Variants in NEK4 observed in about 807,000 individuals in gnomAD.
NEK4 encodes serine/threonine-protein kinase Nek4.
Under a neutral mutation model 98.4 loss-of-function variants are expected in NEK4, and 86 were observed. That is an observed-to-expected ratio of 0.87 (90% confidence interval 0.73 to 1.05). The LOEUF (loss-of-function observed/expected upper bound fraction) is 1.05. NEK4 is among the 50% of genes least tolerant of loss of function. The pLI is 0.00. For missense variants in NEK4, 898 were observed against 950.3 expected (o/e 0.94, Z 0.72); for synonymous variants, 328 against 342.2 (o/e 0.96, Z 0.46).
chr3:52,712,321 G>T (rs1473292539), intron 15 of NEK4, among the ~76,000 whole-genome samples: 2 of 152,228 alleles, frequency 1.3e-5, no homozygotes, highest in East Asian at 3.8e-4. Flanking sequence ...TGCAATGGGG[G>T]TGTGGCTCGC....
chr3:52,746,748 T>G lies in NEK4; in HGVS notation c.1663A>C (p.Arg555=). The G allele has an allele frequency of 1.9e-6, 3 of 1,613,558 alleles. No homozygotes were observed. Among genetic ancestry groups the G allele is most frequent in the Non-Finnish European group, 2.5e-6 (3 of 1,179,770 alleles). The change falls in exon 9 of 16, where the codon AGA becomes CGA. Residue 555 remains arginine, a synonymous_variant. Coordinates refer to ENST00000233027, the MANE Select transcript of NEK4 (RefSeq NM_003157.6). ...EHRGEKRQVR[R]DLFAFQESPP... is the part of the protein sequence containing the mutation. ...AAATGACTTACAGCAAAGAGATCTC[T>G]GCGGACCTGTCTCTTTTCCCCTCTG...
chr3:52,737,561 T>C lies in NEK4; in HGVS notation c.2433+25A>G, dbSNP rs72960250. 4,543 of 1,612,362 alleles carry C rather than the reference T, an allele frequency of 2.8e-3. 91 individuals carry two copies. The African/African-American group carries it at 0.041, about 15-fold the overall frequency. On this transcript the variant is annotated intron_variant, in intron 15 of 15. Coordinates refer to ENST00000233027, the MANE Select transcript of NEK4 (RefSeq NM_003157.6). ...TAAAAAATTCTATAACATAAGCATC[T>C]TGATACAGTTAATGAGACACTCACC...
At chr3:52,739,337 T>A in intron 14 of NEK4, 92 bp downstream of exon 14, 2 of 1,037,928 alleles carry the variant, frequency 1.9e-6, no homozygotes, top group Non-Finnish European at 2.9e-6. Flanking sequence ...AGGCAAAGGT[T>A]GCAGTGAGCC....
intron 6 of NEK4, among the ~76,000 whole-genome samples, chr3:52,752,955 A>ACACACAC (rs1559441493): frequency 7.9e-6 from 1 of 125,992 alleles, no homozygotes; most frequent in African/African-American, 3.4e-5. Flanking sequence ...CACACACACA[A>ACACACAC]TGGAATATTT....
intron 14 of NEK4, among the ~76,000 whole-genome samples, 169 bp downstream of exon 14, chr3:52,739,260 A>G (rs930542408): frequency 6.6e-6 from 1 of 152,258 alleles, no homozygotes; most frequent in South Asian, 2.1e-4. Flanking sequence ...TTACCCGGGC[A>G]TGGTGGTGCA....
Position 52,746,181 on chromosome 3 carries a change from A to T in NEK4, c.1707T>A (p.Pro569=), listed in dbSNP as rs6803865. ...CCACTTTCCCAACAATGGGATGAGA[A>T]GGCAAAAATCGAGGAGGCGACTCTT... ...AFQESPPRFL[P]SHPIVGKVDV... Residue 569 remains proline (P), a synonymous_variant, in exon 10 of 16, where the codon CCT becomes CCA. Coordinates refer to ENST00000233027, the MANE Select transcript of NEK4 (RefSeq NM_003157.6). The T allele has an allele frequency of 7.7e-3, 12,421 of 1,614,078 alleles. 760 individuals are homozygous for T. The African/African-American group carries it at 0.14, about 18-fold the overall frequency.
intron 15 of NEK4, among the ~76,000 whole-genome samples, chr3:52,727,159 A>C (rs939944677): frequency 2.0e-5 from 3 of 152,010 alleles, no homozygotes; most frequent in Non-Finnish European, 2.9e-5. Context: ...TTTTTAGTAG[A>C]GACAGAGTTT....
intron 15 of NEK4, chr3:52,732,828 G>C: frequency 4.2e-6 from 1 of 236,162 alleles, no homozygotes; most frequent in East Asian, 1.1e-4. Flanking sequence ...TGCATCAAAG[G>C]TGTGAACACA....
At chr3:52,716,755 T>C (rs944377491) in intron 15 of NEK4, among the ~76,000 whole-genome samples, 22 of 152,272 alleles carry the variant, frequency 1.4e-4, no homozygotes, top group Admixed American at 3.9e-4. Flanking sequence ...AAATGTGTTA[T>C]AATTTTGTCT....
chr3:52,715,852 G>A (rs952105610), intron 15 of NEK4, among the ~76,000 whole-genome samples: 2 of 152,184 alleles, frequency 1.3e-5, no homozygotes, highest in African/African-American at 2.4e-5. Context: ...TTCTCACCAC[G>A]TTGCATGTGA....
chr3:52,755,568 C>T (rs559370535), intron 6 of NEK4, among the ~76,000 whole-genome samples: 59 of 151,492 alleles, frequency 3.9e-4, no homozygotes, highest in Non-Finnish European at 6.9e-4. Flanking sequence ...ATATGAAACA[C>T]CCACAGTAAA....
intron 12 of NEK4, among the ~76,000 whole-genome samples, chr3:52,741,982 G>A (rs1211803749): frequency 3.9e-5 from 6 of 152,068 alleles, no homozygotes; most frequent in Non-Finnish European, 7.4e-5. Flanking sequence ...GTTTCACCAT[G>A]TTGGCCAGGC....
At chr3:52,758,178 C>CAAAAAAAAAAA (rs35117059) in intron 6 of NEK4, among the ~76,000 whole-genome samples, 19 of 62,782 alleles carry the variant, frequency 3.0e-4, no homozygotes, top group Non-Finnish European at 3.3e-4. Context: ...GACACCATCT[C>CAAAAAAAAAAA]AAAAAAAAAA....
chr3:52,747,547 A>AT (rs2097398381), intron 8 of NEK4: 1 of 152,378 alleles, frequency 6.6e-6, no homozygotes, highest in South Asian at 2.1e-4. Flanking sequence ...TTAAAAAATA[A>AT]TGATTATAAA....
intron 15 of NEK4, among the ~76,000 whole-genome samples, chr3:52,730,263 T>C (rs2097368331): frequency 6.6e-6 from 1 of 152,132 alleles, no homozygotes; most frequent in South Asian, 2.1e-4. Context: ...AATAGACCCA[T>C]AACTAGTGTA....
intron 13 of NEK4, 86 bp from the exon 14 acceptor site, chr3:52,739,720 G>T: frequency 8.7e-7 from 1 of 1,144,736 alleles, no homozygotes; most frequent in Non-Finnish European, 1.3e-6. Context: ...GACCTTTCGG[G>T]AATTATCCTT....
Position 52,749,779 on chromosome 3 carries a change from G to T in NEK4, c.1419C>A (p.His473Gln), listed in dbSNP as rs1016562606. 1.0e-5 allele frequency: 2 copies of T among 191,046 alleles called. No individual in the cohort carries two copies. The highest frequency in any genetic ancestry group is 2.3e-5 in the Non-Finnish European group (2 of 86,664). 11.8% of individuals were successfully genotyped at this position (191,046 alleles called of 1,614,324 possible). A position where few individuals can be genotyped will look rare whatever the true frequency, so the allele number is the denominator to read the frequency against. Residue 473 changes from histidine to glutamine, a missense_variant, in exon 8 of 16, where the codon CAC becomes CAA. Physicochemically the swap from His to Gln is conservative, Grantham distance 24. Transcript: ENST00000233027. Reference sequence around the variant, plus strand: ...TTGAACCCAGGAGGCGGAGGTTGCTGTGAGCCAAGATTGTGCCACTGCACT... The same window carrying T: ...TTGAACCCAGGAGGCGGAGGTTGCTTTGAGCCAAGATTGTGCCACTGCACT... ...KLECSGTILA[H>Q]SNLRLLGSSD...
chr3:52,729,426 AG>A (rs1277789643), intron 15 of NEK4, among the ~76,000 whole-genome samples: 1 of 152,162 alleles, frequency 6.6e-6, no homozygotes, highest in Non-Finnish European at 1.5e-5. Context: ...TTAAAAAAAA[AG>A]GGCGGGCACG....
At chr3:52,762,617 C>A (rs2154106533) in intron 5 of NEK4, among the ~76,000 whole-genome samples, 1 of 152,290 alleles carries the variant, frequency 6.6e-6, no homozygotes, top group African/African-American at 2.4e-5. Flanking sequence ...GGCTAAGGTT[C>A]TTTAAAAAGT....
Sources: gnomAD v4.1 joint callset for allele counts (sites outside exome capture counted in the v4.1 genomes callset) on GRCh38, gnomAD v4.1.1 for gene constraint, MANE v1.5 for transcripts, NCBI Gene and HGNC (gene_info 2026-07-23, HGNC 2026-07-21) for gene names.